The following ODAD2 variants were observed in gnomAD, a reference collection of about 807,000 sequenced individuals.
ODAD2 encodes outer dynein arm docking complex subunit 2, also known as outer dynein arm-docking complex subunit 2.
ODAD2 carries 89 observed loss-of-function variants against 106.8 expected under a neutral mutation model. The observed-to-expected ratio is 0.83, with a 90% CI of 0.70 to 0.99. The LOEUF (loss-of-function observed/expected upper bound fraction) is 0.99, where lower values mean the gene tolerates loss of function less well. Ranked by LOEUF, ODAD2 falls within the 50% of genes least tolerant of loss-of-function variation. The pLI is 0.00. For synonymous variants in ODAD2, 404 were observed against 436.2 expected (o/e 0.93, Z 0.92); for missense variants, 1,168 against 1,238.5 (o/e 0.94, Z 0.85).
At position 27,935,069 on chromosome 10, in the gene ODAD2, A is replaced by T. The variant is rs752423499; in HGVS notation, c.2436T>A (p.Ala812=). The T allele has an allele frequency of 6.2e-7, 1 of 1,613,964 alleles. No homozygotes were observed. The highest frequency in any genetic ancestry group is 1.1e-5 in the South Asian group (1 of 91,082). ...LVNLLVGINQ[A]LLVNVTKAVG... The stretch of plus-strand genomic sequence containing the variant: ...CTGCTTTTGTAACATTCACAAGAAG[A>T]GCTTGGTTTATTCCAACAAGGAGGT... The change falls in exon 16 of 20, where the codon GCT becomes GCA. Residue 812 remains alanine (A), a synonymous_variant. Transcript: ENST00000305242.
chr10:27,948,782 T>TTTG (rs1847120991), intron 10 of ODAD2, among the ~76,000 whole-genome samples: 1 of 142,752 alleles, frequency 7.0e-6, no homozygotes. Flanking sequence ...CCTTTGGATT[T>TTTG]TTTTTTTTTT....
chr10:27,937,943 T>G (rs1846107098), intron 14 of ODAD2, among the ~76,000 whole-genome samples: 1 of 145,924 alleles, frequency 6.9e-6, no homozygotes, highest in Non-Finnish European at 1.5e-5. Flanking sequence ...TATATAGAGG[T>G]TTTTTGTTTT....
At chr10:27,900,489 G>A (rs1184283115) in intron 17 of ODAD2, among the ~76,000 whole-genome samples, 1 of 152,174 alleles carries the variant, frequency 6.6e-6, no homozygotes, top group East Asian at 1.9e-4. Context: ...GTAGGCTTCA[G>A]AAGGTGAGTA....
intron 19 of ODAD2, among the ~76,000 whole-genome samples, chr10:27,856,232 A>T (rs1215163435): frequency 2.0e-5 from 3 of 152,168 alleles, no homozygotes; most frequent in Non-Finnish European, 4.4e-5. Context: ...TCATAAAGAG[A>T]ATAGGATTGA....
At chr10:27,847,375 A>C (rs1838857723) in intron 19 of ODAD2, among the ~76,000 whole-genome samples, 1 of 152,154 alleles carries the variant, frequency 6.6e-6, no homozygotes, top group African/African-American at 2.4e-5. Flanking sequence ...ATTCAACAGC[A>C]CTTCATGCTA....
At chr10:27,856,419 A>G (rs1839657317) in intron 19 of ODAD2, among the ~76,000 whole-genome samples, 1 of 151,788 alleles carries the variant, frequency 6.6e-6, no homozygotes, top group Admixed American at 6.6e-5. Flanking sequence ...GGCTTCTAGA[A>G]CTCCTGGTTA....
intron 19 of ODAD2, among the ~76,000 whole-genome samples, chr10:27,832,532 C>CCCAG (rs1837562834): frequency 6.7e-6 from 1 of 150,148 alleles, no homozygotes. Context: ...CACACACACA[C>CCCAG]ACAGACACAC....
intron 17 of ODAD2, among the ~76,000 whole-genome samples, chr10:27,878,800 T>C (rs1841518330): frequency 6.6e-6 from 1 of 152,142 alleles, no homozygotes; most frequent in African/African-American, 2.4e-5. Flanking sequence ...TTTGTTTGTG[T>C]TCCTCTATCA....
intron 7 of ODAD2, among the ~76,000 whole-genome samples, chr10:27,981,177 G>A (rs1285006622): frequency 1.3e-5 from 2 of 152,082 alleles, no homozygotes; most frequent in African/African-American, 4.8e-5. Context: ...AAGAAGGAAT[G>A]GGGAATTATT....
At chr10:27,845,681 C>T (rs1232837693) in intron 19 of ODAD2, among the ~76,000 whole-genome samples, 1 of 152,142 alleles carries the variant, frequency 6.6e-6, no homozygotes, top group Non-Finnish European at 1.5e-5. Flanking sequence ...AGACCCATCT[C>T]ATGTGCAGAG....
intron 8 of ODAD2, among the ~76,000 whole-genome samples, chr10:27,969,738 A>G (rs201992795): frequency 5.3e-5 from 8 of 152,272 alleles, no homozygotes; most frequent in South Asian, 4.1e-4. Flanking sequence ...TCAACCAGGA[A>G]TCAGTTCTTA....
chr10:27,843,629 G>A (rs1838479193), intron 19 of ODAD2, among the ~76,000 whole-genome samples: 2 of 152,088 alleles, frequency 1.3e-5, no homozygotes, highest in South Asian at 4.2e-4. Context: ...TTAGCTGGGT[G>A]TGGTGGCATG....
At position 27,862,570 on chromosome 10, in the gene ODAD2, T is replaced by C. The variant is rs1219362986; in HGVS notation, c.2663A>G (p.Asn888Ser). 9 of 1,611,892 alleles carry C rather than the reference T, an allele frequency of 5.6e-6. No individual in the cohort carries two copies. Among genetic ancestry groups the C allele is most frequent in the Admixed American group, 1.7e-5 (1 of 59,620 alleles). The change falls in exon 18 of 20, where the codon AAT (asparagine) becomes AGT (serine). Residue 888 changes from asparagine (N) to serine (S), a missense_variant. Physicochemically the swap from Asn to Ser is conservative, Grantham distance 46 (BLOSUM62 1). Around this residue, in one of 3 missense-constraint regions of ODAD2, gnomAD observed 701 missense variants for 712.3 expected, o/e 0.98. Transcript: ENST00000305242. ...SFVGGLELIV[N>S]LLKSDNKEVL... ...TTCTTTGTTATCTGATTTCAGTAAATTGACAATAAGTTCCAAACCACCAAC... is the reference window on the plus strand; with the variant it reads ...TTCTTTGTTATCTGATTTCAGTAAACTGACAATAAGTTCCAAACCACCAAC...
chr10:27,825,120 T>G (rs1836935620), intron 19 of ODAD2, among the ~76,000 whole-genome samples: 1 of 152,222 alleles, frequency 6.6e-6, no homozygotes. Flanking sequence ...GGTGTATCCT[T>G]GACTCCTCTC....
chr10:27,885,690 TATATAA>T (rs375599673), intron 17 of ODAD2, among the ~76,000 whole-genome samples: 3,015 of 58,468 alleles, frequency 0.052, 319 homozygotes, highest in Middle Eastern at 0.11. Context: ...TAATATATAA[TATATAA>T]TATATATAAA....
chr10:27,999,505 T>C (rs1850748781), upstream of ODAD2, among the ~76,000 whole-genome samples: 1 of 152,122 alleles, frequency 6.6e-6, no homozygotes, highest in African/African-American at 2.4e-5. Context: ...GAAAGCGCTC[T>C]TCAATAGGGC....
chr10:27,876,298 T>G (rs1841336657), intron 17 of ODAD2, among the ~76,000 whole-genome samples: 1 of 152,054 alleles, frequency 6.6e-6, no homozygotes, highest in Admixed American at 6.6e-5. Flanking sequence ...CACCCCCCAG[T>G]AGGGGCAGAC....
At chr10:27,954,337 T>C (rs1375365729) in intron 10 of ODAD2, among the ~76,000 whole-genome samples, 1 of 152,220 alleles carries the variant, frequency 6.6e-6, no homozygotes, top group Non-Finnish European at 1.5e-5. Flanking sequence ...TGCAAATACA[T>C]GGGGCAAGAA....
intron 17 of ODAD2, among the ~76,000 whole-genome samples, chr10:27,891,983 T>C (rs917935133): frequency 6.6e-6 from 1 of 152,200 alleles, no homozygotes; most frequent in Admixed American, 6.5e-5. Flanking sequence ...CCAGATTCAG[T>C]TGCATTCTTT....
Sources: gnomAD v4.1 joint callset for allele counts (sites outside exome capture counted in the v4.1 genomes callset) on GRCh38, gnomAD v4.1.1 for gene constraint, gnomAD v4.1.1 regional missense constraint, MANE v1.5 for transcripts, NCBI Gene and HGNC (gene_info 2026-07-23, HGNC 2026-07-21) for gene names.